The following ASIC2 variants were observed in gnomAD, a reference collection of about 807,000 sequenced individuals.
ASIC2 encodes the protein acid sensing ion channel subunit 2, also known as acid-sensing ion channel 2.
Under a neutral mutation model 57.3 loss-of-function variants are expected in ASIC2, and 25 were observed. The observed-to-expected ratio is 0.44, with a 90% CI of 0.32 to 0.61. ASIC2 has a LOEUF of 0.61. Among genes scored for constraint, ASIC2 ranks in the 20% least tolerant of loss-of-function variants. The pLI, the probability that ASIC2 is intolerant of heterozygous loss-of-function variation, is 0.06. For missense variants in ASIC2, 641 were observed against 738.1 expected, an observed-to-expected ratio of 0.87 and a Z score of 1.52; for synonymous variants, 319 against 307.5, an observed-to-expected ratio of 1.04 and a Z score of -0.39.
chr17:33,847,603 A>C (rs921283960), intron 1 of ASIC2, among the ~76,000 whole-genome samples: 1 of 152,170 alleles, frequency 6.6e-6, no homozygotes, highest in Non-Finnish European at 1.5e-5. Context: ...TCAGCTTGCA[A>C]TAGTATATGG....
intron 1 of ASIC2, chr17:33,571,879 T>G (rs937415275): frequency 6.6e-6 from 1 of 152,242 alleles, no homozygotes; most frequent in Non-Finnish European, 1.5e-5. Context: ...TCAAAGGGTT[T>G]ACCAGCAATC....
chr17:33,638,986 T>G (rs146557463), intron 1 of ASIC2, among the ~76,000 whole-genome samples: 9 of 151,900 alleles, frequency 5.9e-5, no homozygotes, highest in African/African-American at 2.2e-4. Context: ...AACACACCCT[T>G]TACTGAATTT....
intron 3 of ASIC2, among the ~76,000 whole-genome samples, chr17:33,046,534 G>C (rs1598251531): frequency 6.6e-6 from 1 of 152,186 alleles, no homozygotes; most frequent in Non-Finnish European, 1.5e-5. Flanking sequence ...GTGTGTGTGT[G>C]GGGAGCTGAA....
chr17:33,830,123 T>G (rs1335108031), intron 1 of ASIC2, among the ~76,000 whole-genome samples: 1 of 152,204 alleles, frequency 6.6e-6, no homozygotes, highest in African/African-American at 2.4e-5. Flanking sequence ...AAGCTCTTCC[T>G]TATAATTAAG....
At chr17:33,625,493 C>G (rs1188452270) in intron 1 of ASIC2, among the ~76,000 whole-genome samples, 2 of 152,208 alleles carry the variant, frequency 1.3e-5, no homozygotes, top group Admixed American at 1.3e-4. Flanking sequence ...GCCAGAATCA[C>G]CCACCTAAGC....
intron 3 of ASIC2, among the ~76,000 whole-genome samples, chr17:33,080,011 C>G (rs1224741096): frequency 1.3e-5 from 2 of 151,978 alleles, no homozygotes; most frequent in Non-Finnish European, 2.9e-5. Flanking sequence ...CCATGGGACT[C>G]TAAGCGAGGA....
chr17:33,408,285 C>T (rs1048450235), intron 1 of ASIC2, among the ~76,000 whole-genome samples: 2 of 152,198 alleles, frequency 1.3e-5, no homozygotes, highest in African/African-American at 4.8e-5. Flanking sequence ...CAACAAATGT[C>T]ATGTCCATGT....
At chr17:33,383,497 T>A (rs1394994915) in intron 1 of ASIC2, among the ~76,000 whole-genome samples, 5 of 152,192 alleles carry the variant, frequency 3.3e-5, no homozygotes, top group Non-Finnish European at 7.3e-5. Flanking sequence ...GACTGGCAAT[T>A]CCAGGCTTTG....
chr17:33,600,100 C>T (rs1418085901), intron 1 of ASIC2, among the ~76,000 whole-genome samples: 1 of 152,208 alleles, frequency 6.6e-6, no homozygotes, highest in East Asian at 1.9e-4. Flanking sequence ...CTTGTCTCTG[C>T]ACAGCAGCCA....
At chr17:33,061,192 C>A (rs1431108523) in intron 3 of ASIC2, among the ~76,000 whole-genome samples, 2 of 152,126 alleles carry the variant, frequency 1.3e-5, no homozygotes, top group East Asian at 3.9e-4. Context: ...GAACTTCCAA[C>A]ACTATGTTGA....
intron 1 of ASIC2, among the ~76,000 whole-genome samples, chr17:34,153,900 C>A (rs533165509): frequency 6.6e-6 from 1 of 152,276 alleles, no homozygotes; most frequent in South Asian, 2.1e-4. Context: ...AAAGCTCAGG[C>A]GAACTTTAAG....
At chr17:33,588,046 AT>A (rs1374347503) in intron 1 of ASIC2, among the ~76,000 whole-genome samples, 1 of 152,232 alleles carries the variant, frequency 6.6e-6, no homozygotes, top group Non-Finnish European at 1.5e-5. Flanking sequence ...TCCCAATTCT[AT>A]TCCCCACCAG....
intron 1 of ASIC2, among the ~76,000 whole-genome samples, chr17:33,609,417 A>T (rs1431387131): frequency 6.6e-6 from 1 of 152,030 alleles, no homozygotes; most frequent in African/African-American, 2.4e-5. Flanking sequence ...CAGTTCCTCG[A>T]GCACACCAAG....
intron 1 of ASIC2, among the ~76,000 whole-genome samples, chr17:33,463,063 A>AT (rs1681113006): frequency 6.6e-6 from 1 of 152,026 alleles, no homozygotes; most frequent in East Asian, 1.9e-4. Context: ...TATTTCTGAG[A>AT]TTTTCTAAGA....
intron 1 of ASIC2, among the ~76,000 whole-genome samples, chr17:33,869,532 C>T (rs417495): frequency 0.68 from 103,882 of 152,080 alleles, 36,546 homozygotes; most frequent in Admixed American, 0.8. Context: ...ATGTGGTATA[C>T]CTACATGGTG....
At position 33,880,941 on chromosome 17, in the gene ASIC2, C is replaced by T. The variant is rs557632552; in HGVS notation, c.555+275037G>A. Among the ~76,000 whole-genome samples, 1,208 of 152,282 alleles carry T rather than the reference C, an allele frequency of 7.9e-3. 16 individuals are homozygous for T. Among genetic ancestry groups the T allele is most frequent in the African/African-American group, 0.026 (1,068 of 41,546 alleles). Reference sequence around the variant, plus strand: ...TCAAGTGGGCTTCATCCCTGGGATGCAAGGCTGGTTCAACATATGCAAATC... The same window carrying T: ...TCAAGTGGGCTTCATCCCTGGGATGTAAGGCTGGTTCAACATATGCAAATC... On this transcript the variant is annotated intron_variant, in intron 1 of 9. Coordinates refer to the ASIC2 transcript ENST00000359872.
rs575465650 is a variant in ASIC2, at chr17:34,101,843, A to G, written c.555+54135T>C. ...CGTCTGCAAGTAAACAGAATAGTCT[A>G]ATCAACTCCTATGTATCACCTGGCT... On this transcript the variant is annotated intron_variant, in intron 1 of 9. Transcript: ENST00000359872. Among the ~76,000 whole-genome samples the G allele has an allele frequency of 8.5e-5, 13 of 152,328 alleles. No homozygotes were observed. The South Asian group carries it at 2.7e-3, about 32-fold the overall frequency.
At chr17:34,097,515 T>G (rs1458744444) in intron 1 of ASIC2, among the ~76,000 whole-genome samples, 3 of 152,280 alleles carry the variant, frequency 2.0e-5, no homozygotes, top group African/African-American at 7.2e-5. Context: ...GCAGTCAAGC[T>G]AAAGTGAGGT....
At chr17:34,018,201 A>G (rs1907035748) in intron 1 of ASIC2, among the ~76,000 whole-genome samples, 1 of 151,972 alleles carries the variant, frequency 6.6e-6, no homozygotes, top group African/African-American at 2.4e-5. Context: ...TAATAATTAT[A>G]CTAAATCTAC....
Sources: gnomAD v4.1 joint callset for allele counts (sites outside exome capture counted in the v4.1 genomes callset) on GRCh38, gnomAD v4.1.1 for gene constraint, MANE v1.5 for transcripts, NCBI Gene and HGNC (gene_info 2026-07-23, HGNC 2026-07-21) for gene names.